Variants in MEDAG observed in about 807,000 individuals in gnomAD.
MEDAG encodes the protein mesenteric estrogen-dependent adipogenesis protein.
MEDAG carries 25 observed loss-of-function variants against 29.9 expected under a neutral mutation model. That is an observed-to-expected ratio of 0.84 (90% confidence interval 0.61 to 1.17). The LOEUF is 1.17. Ranked by LOEUF, MEDAG falls within the 50% of genes most tolerant of loss-of-function variation. The pLI is 0.00. For missense variants in MEDAG, 398 were observed against 372.9 expected, an observed-to-expected ratio of 1.07 and a Z score of -0.56; for synonymous variants, 158 against 148.2, an observed-to-expected ratio of 1.07 and a Z score of -0.48.
intron 2 of MEDAG, among the ~76,000 whole-genome samples, chr13:30,918,454 T>C (rs1952950872): frequency 1.3e-5 from 2 of 152,206 alleles, no homozygotes; most frequent in Non-Finnish European, 2.9e-5. Context: ...GTGGATGCTT[T>C]TCTGTTTCAT....
chr13:30,921,752 G>A lies in MEDAG; in HGVS notation c.693G>A (p.Lys231=). ...ATTTGTCAAGTACAAGTCCAGAAAA[G>A]AAGGAGACGATTAAGTTATTTCTGG... is the stretch of plus-strand genomic sequence containing the variant. ...VLNLSSTSPE[K]KETIKLFLEK... The change falls in exon 4 of 5, where the codon AAG becomes AAA. Residue 231 remains lysine, a synonymous_variant. Coordinates refer to ENST00000380482, the MANE Select transcript of MEDAG (RefSeq NM_032849.4). 1 of 1,613,930 alleles carries A rather than the reference G, an allele frequency of 6.2e-7. No homozygotes were observed. Among genetic ancestry groups the A allele is most frequent in the Non-Finnish European group, 8.5e-7 (1 of 1,179,950 alleles).
chr13:30,924,217 T>G (rs1205071013), intron 4 of MEDAG, 94 bp from the exon 5 acceptor site: 4 of 1,301,774 alleles, frequency 3.1e-6, no homozygotes, highest in Non-Finnish European at 4.2e-6. Context: ...TATTAATTAT[T>G]AAAATAGTTA....
Position 30,917,407 on chromosome 13 carries a change from G to A in MEDAG, c.283G>A (p.Val95Met). The part of the protein sequence containing the change: ...YRLSSYIKRY[V>M]ELTNYCDYKD... ...ATGATCTCTGCTTCTTCATAGGTATGTGGAACTGACCAACTACTGTGATTA... is the reference window on the plus strand; with the variant it reads ...ATGATCTCTGCTTCTTCATAGGTATATGGAACTGACCAACTACTGTGATTA... The change falls in exon 2 of 5, where the codon GTG (valine) becomes ATG (methionine). Residue 95 changes from valine to methionine, a missense_variant. Val to Met is a conservative substitution (Grantham distance 21, BLOSUM62 1). Transcript: ENST00000380482. The A allele has an allele frequency of 1.3e-6, 2 of 1,564,874 alleles. No individual in the cohort carries two copies. The highest frequency in any genetic ancestry group is 1.7e-4 in the Middle Eastern group (1 of 5,984).
At chr13:30,912,176 G>A (rs1952887877) in intron 1 of MEDAG, among the ~76,000 whole-genome samples, 1 of 152,140 alleles carries the variant, frequency 6.6e-6, no homozygotes, top group Non-Finnish European at 1.5e-5. Flanking sequence ...ATGAATATGT[G>A]TACCCTTGAA....
At chr13:30,917,589 G>A in intron 2 of MEDAG, 77 bp downstream of exon 2, 1 of 831,606 alleles carries the variant, frequency 1.2e-6, no homozygotes, top group Non-Finnish European at 2.0e-6. Context: ...AAGAAAAGAG[G>A]TTTAATTGGC....
At chr13:30,912,796 A>C (rs1252655799) in intron 1 of MEDAG, among the ~76,000 whole-genome samples, 4 of 151,960 alleles carry the variant, frequency 2.6e-5, no homozygotes, top group African/African-American at 7.3e-5. Context: ...GGAAGGAGCA[A>C]CTCTTGCTCA....
Position 30,906,430 on chromosome 13 carries a change from C to T in MEDAG, c.-86C>T. The T allele has an allele frequency of 7.5e-7, 1 of 1,328,612 alleles. No individual in the cohort carries two copies. Among genetic ancestry groups the T allele is most frequent in the Non-Finnish European group, 9.7e-7 (1 of 1,031,614 alleles). The allele number at this position is 1,328,612 out of a possible 1,614,324, so 82.3% of individuals were successfully genotyped here. A position where few individuals can be genotyped will look rare whatever the true frequency, so the allele number is the denominator to read the frequency against. ...GCGCGGCTGACGCAGGCAGGGCGCC[C>T]GGCCCCTCCTGGGGACCATCAGGTG... On this transcript the variant is annotated 5_prime_UTR_variant, in exon 1 of 5. Coordinates refer to ENST00000380482, the MANE Select transcript of MEDAG (RefSeq NM_032849.4).
At chr13:30,914,624 T>G (rs1952910263) in intron 1 of MEDAG, among the ~76,000 whole-genome samples, 1 of 152,226 alleles carries the variant, frequency 6.6e-6, no homozygotes, top group African/African-American at 2.4e-5. Flanking sequence ...TCCAGCAGGC[T>G]TCCTTCTGTG....
chr13:30,914,926 A>G (rs1316191972), intron 1 of MEDAG, among the ~76,000 whole-genome samples: 1 of 152,208 alleles, frequency 6.6e-6, no homozygotes, highest in African/African-American at 2.4e-5. Context: ...TATTGAAAGA[A>G]TAGAGGAATC....
At chr13:30,915,254 G>A (rs897451711) in intron 1 of MEDAG, among the ~76,000 whole-genome samples, 1 of 152,044 alleles carries the variant, frequency 6.6e-6, no homozygotes, top group African/African-American at 2.4e-5. Context: ...CAGCAACTAT[G>A]ATAAATATTC....
chr13:30,923,415 CATCTCTTCCATCTCCATTTCTGTCTCT>C (rs1953008688), intron 4 of MEDAG, among the ~76,000 whole-genome samples: 1 of 151,812 alleles, frequency 6.6e-6, no homozygotes, highest in African/African-American at 2.4e-5. Context: ...TTTCAGTCTC[CATCTCTTCCATCTCCATTTCTGTCTCT>C]GTCTGTTTCT....
chr13:30,911,764 G>A (rs748579397), intron 1 of MEDAG, among the ~76,000 whole-genome samples: 1 of 152,086 alleles, frequency 6.6e-6, no homozygotes, highest in Admixed American at 6.5e-5. Context: ...TGAATAGCAG[G>A]GACCATGTCT....
intron 1 of MEDAG, among the ~76,000 whole-genome samples, chr13:30,913,973 C>T (rs527414933): frequency 2.6e-5 from 4 of 152,208 alleles, no homozygotes; most frequent in East Asian, 3.9e-4. Flanking sequence ...ACATGGGAGA[C>T]GGAGGTTGCA....
intron 1 of MEDAG, among the ~76,000 whole-genome samples, chr13:30,909,392 C>T (rs1037161612): frequency 2.6e-4 from 39 of 152,158 alleles, no homozygotes; most frequent in Admixed American, 2.4e-3. Context: ...GGGTTGGAGC[C>T]TAGAGTGGAT....
At chr13:30,923,584 G>A (rs1398515268) in intron 4 of MEDAG, among the ~76,000 whole-genome samples, 2 of 152,130 alleles carry the variant, frequency 1.3e-5, no homozygotes, top group South Asian at 2.1e-4. Flanking sequence ...TCATGTGGAG[G>A]ATTATACTCT....
intron 1 of MEDAG, among the ~76,000 whole-genome samples, chr13:30,915,816 C>T (rs1020736642): frequency 5.9e-5 from 9 of 152,072 alleles, no homozygotes; most frequent in African/African-American, 9.6e-5. Context: ...AACACCCCAG[C>T]GCCCCACCCC....
At chr13:30,912,906 C>G (rs1394513113) in intron 1 of MEDAG, among the ~76,000 whole-genome samples, 1 of 152,170 alleles carries the variant, frequency 6.6e-6, no homozygotes, top group East Asian at 1.9e-4. Context: ...TATGGGTTTG[C>G]CAAGTTGGCC....
chr13:30,918,223 A>G (rs988672994), intron 2 of MEDAG, among the ~76,000 whole-genome samples: 2 of 152,204 alleles, frequency 1.3e-5, no homozygotes, highest in African/African-American at 4.8e-5. Flanking sequence ...AACACCTACT[A>G]TGTCTAAGAA....
rs67281071 is a variant in MEDAG at position 30,912,506 on chromosome 13, A to AACAC, written c.279-4874_279-4871dup. Among the ~76,000 whole-genome samples, 1,290 of 150,660 alleles carry AACAC rather than the reference A, an allele frequency of 8.6e-3. 20 individuals carry two copies. Among genetic ancestry groups the AACAC allele is most frequent in the African/African-American group, 0.03 (1,215 of 41,088 alleles). ...TCAACTGTCCATATTTTTTTTAATG[A>AACAC]ACACACACACACACACACACACACA... On this transcript the variant is annotated intron_variant, in intron 1 of 4. Coordinates refer to ENST00000380482, the MANE Select transcript of MEDAG (RefSeq NM_032849.4).
Sources: allele counts gnomAD v4.1 joint callset (sites outside exome capture counted in the v4.1 genomes callset), GRCh38; gene constraint gnomAD v4.1.1; transcripts MANE v1.5; gene names NCBI Gene and HGNC (gene_info 2026-07-23, HGNC 2026-07-21).